Variants in SLCO1B3 observed in about 807,000 individuals in gnomAD.
SLCO1B3 encodes the protein solute carrier organic anion transporter family member 1B3.
A neutral mutation model predicts 71.8 loss-of-function variants in SLCO1B3; 72 were observed. The observed-to-expected ratio is 1.00, with a 90% CI of 0.83 to 1.22. The LOEUF (loss-of-function observed/expected upper bound fraction) is 1.22, where lower values mean the gene tolerates loss of function less well. Among genes scored for constraint, SLCO1B3 ranks in the 50% most tolerant of loss-of-function variants. The pLI, the probability that SLCO1B3 is intolerant of heterozygous loss-of-function variation, is 0.00. For synonymous variants in SLCO1B3, 298 were observed against 278.4 expected (o/e 1.07, Z -0.70); for missense variants, 911 against 819.7 (o/e 1.11, Z -1.36).
chr12:20,853,756 G>A (rs75775088), intron 3 of SLCO1B3, among the ~76,000 whole-genome samples: 8,367 of 150,326 alleles, frequency 0.056, 300 homozygotes, highest in East Asian at 0.17. Context: ...TATTTTCTTC[G>A]TCTCTTAATT....
At chr12:20,848,528 G>T (rs1357082616) in intron 3 of SLCO1B3, among the ~76,000 whole-genome samples, 1 of 152,130 alleles carries the variant, frequency 6.6e-6, no homozygotes, top group African/African-American at 2.4e-5. Context: ...ATAAAAGCCT[G>T]CACACAAGTG....
At chr12:20,903,381 T>C (rs891355442) in intron 15 of SLCO1B3, among the ~76,000 whole-genome samples, 14 of 152,280 alleles carry the variant, frequency 9.2e-5, no homozygotes, top group African/African-American at 2.9e-4. Context: ...TAGTGGAATA[T>C]TAGTAATCAA....
intron 3 of SLCO1B3, among the ~76,000 whole-genome samples, chr12:20,818,558 C>T (rs1348145665): frequency 1.3e-5 from 2 of 151,980 alleles, no homozygotes; most frequent in African/African-American, 4.8e-5. Context: ...AATCCTCGAG[C>T]TTGTTGTGTA....
chr12:20,833,691 G>A (rs1310295687), intron 3 of SLCO1B3, among the ~76,000 whole-genome samples: 2 of 147,714 alleles, frequency 1.4e-5, no homozygotes, highest in African/African-American at 2.5e-5. Flanking sequence ...ATGGTATAGA[G>A]AGAGATGATA....
rs189424207 is a variant in SLCO1B3, at chr12:20,907,692, C to T, written c.1865+6225C>T. Among the ~76,000 whole-genome samples, 530 of 151,560 alleles carry T rather than the reference C, an allele frequency of 3.5e-3. 4 individuals are homozygous for T. The highest frequency in any genetic ancestry group is 0.012 in the African/African-American group (499 of 41,312). On this transcript the variant is annotated intron_variant, in intron 15 of 15. Transcript: ENST00000381545. ...GCAGGCTAATTTTTTTGTATCTCTA[C>T]TAGATACGGTTTCGCCATGTTGGCC...
At chr12:20,824,671 AAC>A (rs776827562) in intron 3 of SLCO1B3, among the ~76,000 whole-genome samples, 3 of 152,202 alleles carry the variant, frequency 2.0e-5, no homozygotes, top group Non-Finnish European at 2.9e-5. Flanking sequence ...ACATAATAAT[AAC>A]ACATTCACAT....
intron 3 of SLCO1B3, among the ~76,000 whole-genome samples, chr12:20,831,719 T>C (rs1864546138): frequency 1.3e-5 from 2 of 152,296 alleles, no homozygotes; most frequent in South Asian, 4.1e-4. Flanking sequence ...AAAAATCTTA[T>C]TAATTTTGAA....
intron 14 of SLCO1B3, among the ~76,000 whole-genome samples, chr12:20,900,756 G>A (rs932130963): frequency 4.6e-5 from 7 of 152,178 alleles, no homozygotes; most frequent in South Asian, 2.1e-4. Flanking sequence ...CTAAGAAAGA[G>A]AGAATTGGGC....
chr12:20,871,145 T>A (rs1865467802), intron 8 of SLCO1B3, among the ~76,000 whole-genome samples: 1 of 152,180 alleles, frequency 6.6e-6, no homozygotes. Flanking sequence ...CCTGTAGTTT[T>A]TTTGATGTGT....
At chr12:20,832,803 T>A (rs745348671) in intron 3 of SLCO1B3, among the ~76,000 whole-genome samples, 13 of 152,238 alleles carry the variant, frequency 8.5e-5, no homozygotes, top group Non-Finnish European at 1.5e-4. Flanking sequence ...GAACACCCCA[T>A]ATAAAATAGC....
chr12:20,855,639 A>G (rs916129473), intron 4 of SLCO1B3, among the ~76,000 whole-genome samples: 1 of 137,632 alleles, frequency 7.3e-6, no homozygotes, highest in South Asian at 2.7e-4. Context: ...AACTGTGTAC[A>G]ACATTGGGGG....
At chr12:20,879,169 G>T (rs1360695876) in intron 10 of SLCO1B3, among the ~76,000 whole-genome samples, 1 of 143,912 alleles carries the variant, frequency 6.9e-6, no homozygotes, top group Non-Finnish European at 1.5e-5. Context: ...GGGTATACTT[G>T]TCCCTTACCT....
intron 12 of SLCO1B3, among the ~76,000 whole-genome samples, chr12:20,882,121 A>T (rs4149147): frequency 0.72 from 109,671 of 151,582 alleles, 42,245 homozygotes; most frequent in South Asian, 0.9. Flanking sequence ...TGTGTTGTCC[A>T]GTAGTGAAGA....
intron 3 of SLCO1B3, among the ~76,000 whole-genome samples, chr12:20,825,771 C>G (rs1304055104): frequency 7.1e-6 from 1 of 141,378 alleles, no homozygotes; most frequent in African/African-American, 2.6e-5. Context: ...TGCACTCCAG[C>G]CTGGGTGACA....
chr12:20,815,271 C>T (rs1864173318), intron 2 of SLCO1B3, among the ~76,000 whole-genome samples: 1 of 152,038 alleles, frequency 6.6e-6, no homozygotes, highest in Non-Finnish European at 1.5e-5. Context: ...ATGTGCAAGT[C>T]ATCATTTGGC....
intron 3 of SLCO1B3, among the ~76,000 whole-genome samples, chr12:20,825,483 A>T (rs1581194): frequency 6.6e-6 from 1 of 151,788 alleles, no homozygotes; most frequent in South Asian, 2.1e-4. Context: ...TTTTAGACCC[A>T]GAAGTAAAAG....
At chr12:20,820,991 A>T (rs1347378570) in intron 3 of SLCO1B3, among the ~76,000 whole-genome samples, 2 of 152,188 alleles carry the variant, frequency 1.3e-5, no homozygotes, top group Non-Finnish European at 2.9e-5. Flanking sequence ...GGCGATAAAA[A>T]GTTTATAGGG....
intron 8 of SLCO1B3, among the ~76,000 whole-genome samples, chr12:20,865,529 C>T (rs773636148): frequency 4.0e-5 from 6 of 151,872 alleles, no homozygotes; most frequent in Non-Finnish European, 7.4e-5. Flanking sequence ...ATGGACTCTA[C>T]CTCCCAAAAA....
intron 11 of SLCO1B3, among the ~76,000 whole-genome samples, chr12:20,880,388 C>A (rs757127828): frequency 5.7e-4 from 87 of 151,406 alleles, no homozygotes; most frequent in Non-Finnish European, 1.1e-3. Context: ...TTGTAAAATT[C>A]AACAATGTTA....
Sources: gnomAD v4.1 joint callset for allele counts (sites outside exome capture counted in the v4.1 genomes callset) on GRCh38, gnomAD v4.1.1 for gene constraint, MANE v1.5 for transcripts, NCBI Gene and HGNC (gene_info 2026-07-23, HGNC 2026-07-21) for gene names.